Variants in MAX observed in about 807,000 individuals in gnomAD.
MAX encodes protein max.
In MAX, 3 loss-of-function variants were observed where a neutral mutation model predicts 22.3. The observed-to-expected ratio is 0.13, with a 90% CI of 0.06 to 0.35. The LOEUF is 0.35. MAX is among the 10% of genes least tolerant of loss of function. MAX has a pLI of 1.00. For synonymous variants in MAX, 72 were observed against 77.7 expected (o/e 0.93, Z 0.39); for missense variants, 119 against 209.4 (o/e 0.57, Z 2.66).
Position 65,076,732 on chromosome 14 carries a change from AG to A in MAX, c.296-70del, listed in dbSNP as rs2063069089. Reference sequence around the variant, plus strand: ...TGGGGAGTAACCGAGTCTCAGACTCAGGGTCCAGCCTGTTCTTCCTAAGGGC... The same window carrying A: ...TGGGGAGTAACCGAGTCTCAGACTCAGGTCCAGCCTGTTCTTCCTAAGGGC... On this transcript the variant is annotated intron_variant, in intron 4 of 4. Transcript: ENST00000358664. This position sits in a 1 kb window ranked among gnomAD's most constrained non-coding sequence, Gnocchi z 6.6. The A allele has an allele frequency of 6.3e-7, 1 of 1,587,288 alleles. No individual in the cohort carries two copies. Among genetic ancestry groups the A allele is most frequent in the Non-Finnish European group, 8.7e-7 (1 of 1,155,934 alleles).
At position 65,076,064 on chromosome 14, in the gene MAX, G is replaced by C. The variant is rs1181437998; in HGVS notation, c.*412C>G. ...TTCAGATTCACAAAGTCTATCAGAGGTGAGGGCGGGCCAGGAGGCCACCTG... is the reference window on the plus strand; with the variant it reads ...TTCAGATTCACAAAGTCTATCAGAGCTGAGGGCGGGCCAGGAGGCCACCTG... On this transcript the variant is annotated 3_prime_UTR_variant, in exon 5 of 5. Coordinates refer to ENST00000358664, the MANE Select transcript of MAX (RefSeq NM_002382.5). The surrounding 1 kb of genome is among the most constrained non-coding windows in gnomAD (Gnocchi z 6.6). 4.1e-6 allele frequency: 5 copies of C among 1,208,572 alleles called. No individual in the cohort carries two copies. The highest frequency in any genetic ancestry group is 2.5e-5 in the South Asian group (1 of 40,296). The allele number at this position is 1,208,572 out of a possible 1,614,324, so 74.9% of individuals were successfully genotyped here.
rs1256066957 is a variant in MAX at position 65,037,402 on chromosome 14, CCTTTTTTTTTTTTTTTTT to C, written c.172-31136_172-31119del. The stretch of plus-strand genomic sequence containing the variant: ...ATAGGCGTGAGCCACCACGCCGGGC[CCTTTTTTTTTTTTTTTTT>C]TTTTTTTTTTTTTTTTTTTTTTTTT... On this transcript the variant is annotated intron_variant, in intron 3 of 3. Transcript: ENST00000341653. Among the ~76,000 whole-genome samples, 53 of 14,534 alleles carry C rather than the reference CCTTTTTTTTTTTTTTTTT, an allele frequency of 3.6e-3. 8 individuals carry two copies. Among genetic ancestry groups the C allele is most frequent in the South Asian group, 0.034 (11 of 328 alleles). The allele number at this position is 14,534 out of a possible 152,430, so 9.5% of individuals were successfully genotyped here.
At chr14:65,041,043 A>G in intron 3 of MAX, 1 of 1,445,810 alleles carries the variant, frequency 6.9e-7, no homozygotes, top group Non-Finnish European at 9.3e-7. Flanking sequence ...CTCTGTTCCA[A>G]CACAGAGGAA....
At chr14:65,075,067 A>G, downstream of MAX, 1 of 1,011,304 alleles carries the variant, frequency 9.9e-7, no homozygotes, top group Non-Finnish European at 1.2e-6. This position sits in a 1 kb window ranked among gnomAD's most constrained non-coding sequence, Gnocchi z 4.1. Flanking sequence ...AACAGCTTCC[A>G]GAGGGGTCTC....
At chr14:65,095,120 A>T (rs1429987721) in intron 2 of MAX, among the ~76,000 whole-genome samples, 1 of 152,232 alleles carries the variant, frequency 6.6e-6, no homozygotes, top group African/African-American at 2.4e-5. Context: ...ATTTAATCCT[A>T]AAAGTCCCAG....
intron 3 of MAX, among the ~76,000 whole-genome samples, chr14:65,042,411 A>G (rs2139633265): frequency 6.6e-6 from 1 of 152,332 alleles, no homozygotes; most frequent in South Asian, 2.1e-4. Context: ...ACTCTCATGT[A>G]GAGCGTGCAA....
At chr14:65,035,912 G>C (rs951007678) in intron 3 of MAX, among the ~76,000 whole-genome samples, 1 of 151,754 alleles carries the variant, frequency 6.6e-6, no homozygotes, top group African/African-American at 2.4e-5. Flanking sequence ...GCTCACTGCA[G>C]CCTTGACCTC....
chr14:65,074,095 T>C (rs560242781), downstream of MAX, among the ~76,000 whole-genome samples: 2 of 152,190 alleles, frequency 1.3e-5, no homozygotes, highest in African/African-American at 4.8e-5. Context: ...TGCATCAACA[T>C]GGCTTCACCC....
intron 1 of MAX, 101 bp from the exon 2 acceptor site, chr14:65,101,673 G>T (rs1028914457): frequency 1.1e-6 from 1 of 907,796 alleles, no homozygotes; most frequent in Non-Finnish European, 1.8e-6. Flanking sequence ...AGGAAGCGGA[G>T]GGTGGGGAGT....
At chr14:65,042,232 AT>A (rs1216980823) in intron 3 of MAX, among the ~76,000 whole-genome samples, 1 of 152,158 alleles carries the variant, frequency 6.6e-6, no homozygotes, top group Non-Finnish European at 1.5e-5. Flanking sequence ...ATTCAAGTAC[AT>A]TACATTTATT....
In MAX at chr14:65,027,901, G is replaced by A; in HGVS notation, c.172-21617C>T. The A allele has an allele frequency of 7.8e-7, 1 of 1,289,380 alleles. No individual in the cohort carries two copies. The highest frequency in any genetic ancestry group is 1.1e-6 in the Non-Finnish European group (1 of 918,438). The allele number at this position is 1,289,380 out of a possible 1,614,324, so 79.9% of individuals were successfully genotyped here. ...GCTGCTTTGTCCCAGAATGACACAT[G>A]GGATGACATGTCAGTGACACGTCAG... On this transcript the variant is annotated intron_variant, in intron 3 of 3. Coordinates refer to the MAX transcript ENST00000341653. This position sits in a 1 kb window ranked among gnomAD's most constrained non-coding sequence, Gnocchi z 5.7.
chr14:65,084,392 C>T lies in MAX; in HGVS notation c.172-6356G>A. On this transcript the variant is annotated intron_variant, in intron 3 of 4. Transcript: ENST00000358664. This position sits in a 1 kb window ranked among gnomAD's most constrained non-coding sequence, Gnocchi z 4.3. Reference sequence around the variant, plus strand: ...TTTTGTTTACTGAATTAGTTACCCTCTTCCAAAAAAAAAAATTCCAGTGAT... The same window carrying T: ...TTTTGTTTACTGAATTAGTTACCCTTTTCCAAAAAAAAAAATTCCAGTGAT... 1 of 784,524 alleles carries T rather than the reference C, an allele frequency of 1.3e-6. No individual in the cohort carries two copies. The highest frequency in any genetic ancestry group is 2.1e-6 in the Non-Finnish European group (1 of 468,854). 48.6% of individuals were successfully genotyped at this position (784,524 alleles called of 1,614,324 possible).
chr14:65,071,715 C>T (rs1228399139), downstream of MAX, among the ~76,000 whole-genome samples: 1 of 152,196 alleles, frequency 6.6e-6, no homozygotes, highest in African/African-American at 2.4e-5. This position sits in a 1 kb window ranked among gnomAD's most constrained non-coding sequence, Gnocchi z 4.2. Flanking sequence ...TAGCCCTACC[C>T]GCTCTGGCAG....
intron 3 of MAX, among the ~76,000 whole-genome samples, chr14:65,038,365 G>A (rs997571547): frequency 1.3e-5 from 2 of 151,512 alleles, no homozygotes; most frequent in Admixed American, 6.6e-5. Context: ...AGCCGAGATC[G>A]CACCATTGCA....
At chr14:65,016,920 GTTTTTTTTTT>G (rs34191835) in intron 3 of MAX, among the ~76,000 whole-genome samples, 2 of 114,850 alleles carry the variant, frequency 1.7e-5, no homozygotes, top group African/African-American at 6.8e-5. Context: ...GGCCCACGTG[GTTTTTTTTTT>G]TTTTTTTTTT....
intron 3 of MAX, among the ~76,000 whole-genome samples, chr14:65,053,689 G>A (rs2139676042): frequency 6.6e-6 from 1 of 151,726 alleles, no homozygotes; most frequent in South Asian, 2.1e-4. Context: ...ACCCCTCAGT[G>A]TTGTAAACAG....
Position 65,076,579 on chromosome 14 carries a change from T to C in MAX, c.380A>G (p.Lys127Arg), listed in dbSNP as rs2063062410. 4 of 1,614,134 alleles carry C rather than the reference T, an allele frequency of 2.5e-6. No homozygotes were observed. The highest frequency in any genetic ancestry group is 3.4e-6 in the Non-Finnish European group (4 of 1,180,014). ...ATCGAAGGCAGAGATGGTGCTGCCC[T>C]TGGCGTTGGTGTAGAGGCTGTTGTC... ...SSDNSLYTNA[K>R]GSTISAFDGG... Residue 127 changes from lysine (K) to arginine (R), a missense_variant, in exon 5 of 5, where the codon AAG becomes AGG. Transcript: ENST00000358664. This position sits in a 1 kb window ranked among gnomAD's most constrained non-coding sequence, Gnocchi z 6.6.
At position 65,023,048 on chromosome 14, in the gene MAX, G is replaced by A. The variant is rs2061917216; in HGVS notation, c.172-16764C>T. Among the ~76,000 whole-genome samples the A allele has an allele frequency of 1.3e-5, 2 of 152,168 alleles. No individual in the cohort carries two copies. The highest frequency in any genetic ancestry group is 2.4e-5 in the African/African-American group (1 of 41,446). On this transcript the variant is annotated intron_variant, in intron 3 of 3. Transcript: ENST00000341653. This position sits in a 1 kb window ranked among gnomAD's most constrained non-coding sequence, Gnocchi z 4.1. The stretch of plus-strand genomic sequence containing the variant: ...ATCCTTCATCCAAACTGATGACGGT[G>A]TTTAGAATCAACATTGATTAATTGA...
intron 3 of MAX, among the ~76,000 whole-genome samples, chr14:65,068,931 G>A (rs937009355): frequency 1.3e-4 from 20 of 152,184 alleles, no homozygotes; most frequent in Admixed American, 1.3e-3. Context: ...GCAAGGGGAG[G>A]CTGGGCCCTC....
Sources: allele counts gnomAD v4.1 joint callset (sites outside exome capture counted in the v4.1 genomes callset), GRCh38; gene constraint gnomAD v4.1.1; non-coding constraint Gnocchi (gnomAD v3.1); transcripts MANE v1.5; gene names NCBI Gene and HGNC (gene_info 2026-07-23, HGNC 2026-07-21).